The following TBL1XR1 variants were observed in gnomAD, a reference collection of about 807,000 sequenced individuals.
TBL1XR1 encodes F-box-like/WD repeat-containing protein TBL1XR1.
In TBL1XR1, 5 loss-of-function variants were observed where a neutral mutation model predicts 66.9. The ratio of observed to expected loss-of-function variants is 0.07; its 90% CI spans 0.04 to 0.16. The LOEUF (loss-of-function observed/expected upper bound fraction) is 0.16. Ranked by LOEUF, TBL1XR1 falls within the 10% of genes least tolerant of loss-of-function variation. The pLI is 1.00. For missense variants in TBL1XR1, 238 were observed against 623.2 expected, an observed-to-expected ratio of 0.38 and a Z score of 6.58; for synonymous variants, 210 against 206.0, an observed-to-expected ratio of 1.02 and a Z score of -0.17.
chr3:177,067,127 T>C (rs1007169914), intron 2 of TBL1XR1, among the ~76,000 whole-genome samples: 1 of 152,196 alleles, frequency 6.6e-6, no homozygotes, highest in East Asian at 1.9e-4. Flanking sequence ...TCGGCACACA[T>C]AGCAGGCACA....
intron 1 of TBL1XR1, among the ~76,000 whole-genome samples, chr3:177,112,349 C>T (rs1725756448): frequency 6.6e-6 from 1 of 151,396 alleles, no homozygotes; most frequent in Non-Finnish European, 1.5e-5. Context: ...CCCAGGTGAT[C>T]CACCCACCTC....
intron 1 of TBL1XR1, among the ~76,000 whole-genome samples, chr3:177,135,165 C>G (rs1195348115): frequency 6.6e-6 from 1 of 150,602 alleles, no homozygotes; most frequent in Non-Finnish European, 1.5e-5. Flanking sequence ...CCACGTCCGA[C>G]TAATTTTTGT....
At chr3:177,094,532 T>C (rs1723220448) in intron 2 of TBL1XR1, among the ~76,000 whole-genome samples, 1 of 152,210 alleles carries the variant, frequency 6.6e-6, no homozygotes, top group Non-Finnish European at 1.5e-5. Context: ...CGCATGTTTA[T>C]AGCAGCACAA....
intron 1 of TBL1XR1, among the ~76,000 whole-genome samples, chr3:177,114,621 T>G (rs1020464491): frequency 2.2e-4 from 33 of 151,972 alleles, no homozygotes; most frequent in African/African-American, 8.0e-4. Flanking sequence ...TTCAAAAGAT[T>G]TGTGTTGCAC....
At chr3:177,183,820 G>A (rs922238184) in intron 1 of TBL1XR1, among the ~76,000 whole-genome samples, 2 of 151,606 alleles carry the variant, frequency 1.3e-5, no homozygotes, top group Non-Finnish European at 2.9e-5. Flanking sequence ...ACATCTAATC[G>A]GCCGGGCATG....
intron 14 of TBL1XR1, chr3:177,032,437 T>TA (rs1165684680): frequency 1.3e-5 from 2 of 152,196 alleles, no homozygotes; most frequent in African/African-American, 4.8e-5. Context: ...TGACTGCTAT[T>TA]AAAAAAGTAT....
chr3:177,180,377 C>G (rs200612124), intron 1 of TBL1XR1, among the ~76,000 whole-genome samples: 2 of 141,708 alleles, frequency 1.4e-5, no homozygotes, highest in African/African-American at 5.1e-5. Context: ...TTCATTCCCC[C>G]CCCCCCCATT....
At chr3:177,171,632 G>T (rs1577376376) in intron 1 of TBL1XR1, among the ~76,000 whole-genome samples, 1 of 150,196 alleles carries the variant, frequency 6.7e-6, no homozygotes, top group Admixed American at 6.7e-5. Context: ...GAACCCGGGA[G>T]GCGGAGCTTG....
rs557332083 is a variant in TBL1XR1 at position 177,159,126 on chromosome 3, G to A, written c.-122+37995C>T. Among the ~76,000 whole-genome samples, 9 of 151,976 alleles carry A rather than the reference G, an allele frequency of 5.9e-5. No homozygotes were observed. The South Asian group carries it at 1.9e-3, about 32-fold the overall frequency. On this transcript the variant is annotated intron_variant, in intron 1 of 15. Coordinates refer to ENST00000457928, the MANE Select transcript of TBL1XR1 (RefSeq NM_024665.7). Reference sequence around the variant, plus strand: ...AGTGGTAAAGACAGTTTTTACTTATGTGGAACTCAGCTGGATTTTCTCAAT... The same window carrying A: ...AGTGGTAAAGACAGTTTTTACTTATATGGAACTCAGCTGGATTTTCTCAAT...
chr3:177,079,199 A>G (rs983939428), intron 2 of TBL1XR1, among the ~76,000 whole-genome samples: 7 of 151,926 alleles, frequency 4.6e-5, no homozygotes, highest in African/African-American at 1.2e-4. Context: ...TGGAAGGCCG[A>G]GGTGGGTGGA....
chr3:177,182,450 T>C (rs578015691), intron 1 of TBL1XR1, among the ~76,000 whole-genome samples: 1 of 152,306 alleles, frequency 6.6e-6, no homozygotes, highest in East Asian at 1.9e-4. Flanking sequence ...TTTGTGAAAC[T>C]GGATGTATCT....
intron 1 of TBL1XR1, among the ~76,000 whole-genome samples, chr3:177,195,309 C>T (rs1476185732): frequency 6.6e-6 from 1 of 151,906 alleles, no homozygotes; most frequent in African/African-American, 2.4e-5. Flanking sequence ...GCCCCTCCCC[C>T]ACAGGTAAAT....
chr3:177,036,899 T>A (rs895558098), intron 12 of TBL1XR1, among the ~76,000 whole-genome samples: 1 of 152,192 alleles, frequency 6.6e-6, no homozygotes, highest in Non-Finnish European at 1.5e-5. Flanking sequence ...CAGTAGAGGG[T>A]TAGCTGTTGC....
intron 10 of TBL1XR1, among the ~76,000 whole-genome samples, chr3:177,040,482 A>G (rs999090195): frequency 1.5e-4 from 23 of 152,356 alleles, no homozygotes; most frequent in Admixed American, 5.2e-4. Context: ...AAAATGAAAC[A>G]TAAACAGGTG....
intron 1 of TBL1XR1, among the ~76,000 whole-genome samples, chr3:177,152,468 G>T (rs2108857352): frequency 6.6e-6 from 1 of 152,206 alleles, no homozygotes; most frequent in Non-Finnish European, 1.5e-5. Context: ...TGTATTTTTA[G>T]TAGAGATGGG....
intron 1 of TBL1XR1, among the ~76,000 whole-genome samples, chr3:177,139,859 C>T (rs1729439585): frequency 6.6e-6 from 1 of 152,064 alleles, no homozygotes; most frequent in African/African-American, 2.4e-5. Context: ...TTAAAAATAC[C>T]TGTAGTAACT....
upstream of TBL1XR1, among the ~76,000 whole-genome samples, chr3:177,198,981 C>T (rs1229092695): frequency 6.6e-6 from 1 of 152,002 alleles, no homozygotes; most frequent in Non-Finnish European, 1.5e-5. Context: ...CTTTCTTGGC[C>T]AAGGTCAATG....
At chr3:177,026,328 GA>G in intron 15 of TBL1XR1, 44 bp downstream of exon 15, 1 of 1,454,372 alleles carries the variant, frequency 6.9e-7, no homozygotes, top group Non-Finnish European at 9.6e-7. Flanking sequence ...ATTCTGATGT[GA>G]ATACCCACCC....
At chr3:177,109,656 C>T (rs1338385774) in intron 1 of TBL1XR1, among the ~76,000 whole-genome samples, 1 of 152,062 alleles carries the variant, frequency 6.6e-6, no homozygotes, top group Non-Finnish European at 1.5e-5. Context: ...AAACACAGAT[C>T]CCTGCTCTCT....
Sources: allele counts gnomAD v4.1 joint callset (sites outside exome capture counted in the v4.1 genomes callset), GRCh38; gene constraint gnomAD v4.1.1; transcripts MANE v1.5; gene names NCBI Gene and HGNC (gene_info 2026-07-23, HGNC 2026-07-21).